PANK1: variants seen among roughly 807,000 people sequenced by gnomAD.
PANK1 encodes the protein pantothenic acid kinase 1.
Under a neutral mutation model 40.1 loss-of-function variants are expected in PANK1, and 18 were observed. The observed-to-expected ratio is 0.45, with a 90% CI of 0.31 to 0.67. The LOEUF is 0.67. Among genes scored for constraint, PANK1 ranks in the 30% least tolerant of loss-of-function variants. The pLI, the probability that PANK1 is intolerant of heterozygous loss-of-function variation, is 0.06. For synonymous variants in PANK1, 242 were observed against 237.7 expected (o/e 1.02, Z -0.17); for missense variants, 457 against 599.6 (o/e 0.76, Z 2.48).
intron 1 of PANK1, among the ~76,000 whole-genome samples, chr10:89,641,798 C>T (rs1223479940): frequency 6.7e-6 from 1 of 149,122 alleles, no homozygotes; most frequent in African/African-American, 2.5e-5. Context: ...CAGCACAAGG[C>T]AAAAAAGTCC....
Position 89,644,915 on chromosome 10 carries a change from G to T in PANK1, c.-24C>A, listed in dbSNP as rs766474519. The T allele has an allele frequency of 2.6e-6, 4 of 1,538,994 alleles. No individual in the cohort carries two copies. In the South Asian group the frequency reaches 3.6e-5, roughly 14 times the overall value. ...ATGCCGGGGGCTGGCGGGGCTGTGC[G>T]CGGGCCCCGGCTCAGGCGGCCTCGC... On this transcript the variant is annotated 5_prime_UTR_variant, in exon 1 of 7. Coordinates refer to ENST00000307534, the MANE Select transcript of PANK1 (RefSeq NM_148977.3).
intron 2 of PANK1, among the ~76,000 whole-genome samples, chr10:89,601,784 T>C (rs1475550011): frequency 2.0e-5 from 3 of 152,238 alleles, no homozygotes; most frequent in African/African-American, 7.2e-5. Flanking sequence ...ATGAGATGTA[T>C]GTAATTATAC....
At chr10:89,618,159 A>C (rs1845377618) in intron 1 of PANK1, among the ~76,000 whole-genome samples, 1 of 152,238 alleles carries the variant, frequency 6.6e-6, no homozygotes, top group Non-Finnish European at 1.5e-5. Context: ...TTCTCCACCT[A>C]CAAGGCAGGG....
intron 1 of PANK1, chr10:89,625,628 C>T (rs1166909118): frequency 6.6e-6 from 1 of 152,126 alleles, no homozygotes; most frequent in Non-Finnish European, 1.5e-5. Context: ...TGATTTGCAA[C>T]CCACGCGGCT....
chr10:89,584,214 C>A lies in PANK1; in HGVS notation c.*192G>T, dbSNP rs935854187. On this transcript the variant is annotated 3_prime_UTR_variant, in exon 7 of 7. Coordinates refer to ENST00000307534, the MANE Select transcript of PANK1 (RefSeq NM_148977.3). ...TACAGAAAAAAAACCTTTTATATTC[C>A]CCCGTTTTGAATCATTAGCTCAAAA... 4 of 519,668 alleles carry A rather than the reference C, an allele frequency of 7.7e-6. No individual in the cohort carries two copies. The highest frequency in any genetic ancestry group is 1.9e-5 in the African/African-American group (1 of 52,884). The allele number at this position is 519,668 out of a possible 1,614,324, so 32.2% of individuals were successfully genotyped here. A position where few individuals can be genotyped will look rare whatever the true frequency, so the allele number is the denominator to read the frequency against.
chr10:89,604,111 T>A (rs893585522), intron 2 of PANK1, among the ~76,000 whole-genome samples: 2 of 152,158 alleles, frequency 1.3e-5, no homozygotes, highest in East Asian at 3.9e-4. Context: ...AAAAAAGTGA[T>A]GAAAGCAATC....
At chr10:89,590,617 G>A (rs1039650608) in intron 5 of PANK1, among the ~76,000 whole-genome samples, 2 of 152,028 alleles carry the variant, frequency 1.3e-5, no homozygotes, top group African/African-American at 4.8e-5. Context: ...TGTGTATACC[G>A]TATACAAATA....
intron 6 of PANK1, among the ~76,000 whole-genome samples, chr10:89,587,794 A>T (rs941482111): frequency 2.6e-5 from 4 of 152,250 alleles, no homozygotes; most frequent in African/African-American, 7.2e-5. Flanking sequence ...AAAACTTTTT[A>T]AAAATGTTAT....
At chr10:89,613,839 C>CA (rs1281404608) in intron 1 of PANK1, 2 of 383,314 alleles carry the variant, frequency 5.2e-6, no homozygotes, top group Non-Finnish European at 1.0e-5. Context: ...GTAGGAGCAG[C>CA]ATGTTGTAAT....
In PANK1 at chr10:89,611,935, T is replaced by C; in HGVS notation, c.406A>G (p.Ile136Val). ...EQEEVENLKSIRKYLTSNTAY... is the reference protein window; with the variant it reads ...EQEEVENLKSVRKYLTSNTAY... ...GTATTAGAAGTCAAATACTTCCGGA[T>C]GCTCTTCAGGTTCTCCACTTCCTCT... Residue 136 changes from isoleucine to valine, a missense_variant, in exon 2 of 7, where the codon ATC becomes GTC. This residue lies in a region of PANK1 where 286 missense variants were observed against 415.8 expected (regional missense o/e 0.69). Transcript: ENST00000307534. The C allele has an allele frequency of 1.2e-6, 2 of 1,614,146 alleles. No homozygotes were observed. Among genetic ancestry groups the C allele is most frequent in the Non-Finnish European group, 1.7e-6 (2 of 1,179,988 alleles).
chr10:89,610,246 G>C (rs545125995), intron 2 of PANK1, among the ~76,000 whole-genome samples: 44 of 141,764 alleles, frequency 3.1e-4, no homozygotes, highest in African/African-American at 9.5e-4. Flanking sequence ...GTCTTGCCTA[G>C]TCACCCAGCT....
intron 1 of PANK1, among the ~76,000 whole-genome samples, chr10:89,636,265 G>A (rs978995309): frequency 1.4e-4 from 21 of 152,158 alleles, no homozygotes; most frequent in African/African-American, 4.8e-4. Context: ...GGGCCATCAG[G>A]CTGTCTATGA....
chr10:89,633,124 G>A (rs1249453633), intron 1 of PANK1, among the ~76,000 whole-genome samples: 1 of 148,678 alleles, frequency 6.7e-6, no homozygotes, highest in East Asian at 1.9e-4. Context: ...GTGTTTGCCA[G>A]TTTCCACGGT....
Position 89,621,867 on chromosome 10 carries a change from C to A in PANK1, c.293-9819G>T, listed in dbSNP as rs774875505. On this transcript the variant is annotated intron_variant, in intron 1 of 6. Transcript: ENST00000307534. ...TAGCTGGGATTACAGGGGTGTGTCA[C>A]CACGCCTTGCTAATTTTTGTAGTTT... 8.3e-4 allele frequency among the ~76,000 whole-genome samples: 127 copies of A among 152,322 alleles called. 1 individual carries two copies. The highest frequency in any genetic ancestry group is 2.8e-4 in the Non-Finnish European group (19 of 68,034).
intron 1 of PANK1, among the ~76,000 whole-genome samples, chr10:89,620,145 G>A (rs769556978): frequency 2.0e-5 from 3 of 152,112 alleles, no homozygotes; most frequent in Non-Finnish European, 4.4e-5. Flanking sequence ...TGTTGATTGC[G>A]TTAACTGCAC....
intron 6 of PANK1, among the ~76,000 whole-genome samples, chr10:89,585,522 A>G (rs1040835452): frequency 3.3e-5 from 5 of 152,166 alleles, no homozygotes; most frequent in African/African-American, 1.2e-4. Flanking sequence ...GTCTGCTTAC[A>G]TTTATTGAGG....
At chr10:89,642,371 C>T (rs997470985) in intron 1 of PANK1, among the ~76,000 whole-genome samples, 2 of 152,244 alleles carry the variant, frequency 1.3e-5, no homozygotes, top group Non-Finnish European at 2.9e-5. Context: ...TTAACACTGG[C>T]TATCTTAACA....
intron 1 of PANK1, among the ~76,000 whole-genome samples, chr10:89,616,082 T>A (rs1370362341): frequency 6.6e-6 from 1 of 152,224 alleles, no homozygotes; most frequent in Non-Finnish European, 1.5e-5. Context: ...CAGATGTCAT[T>A]TTAAAATATT....
chr10:89,601,335 A>G (rs1015733161), intron 2 of PANK1, among the ~76,000 whole-genome samples: 1 of 124,402 alleles, frequency 8.0e-6, no homozygotes, highest in Non-Finnish European at 1.7e-5. Context: ...AAAAAAAAAA[A>G]GCCTGGTGTG....
Sources: gnomAD v4.1 joint callset for allele counts (sites outside exome capture counted in the v4.1 genomes callset) on GRCh38, gnomAD v4.1.1 for gene constraint, gnomAD v4.1.1 regional missense constraint, MANE v1.5 for transcripts, NCBI Gene and HGNC (gene_info 2026-07-23, HGNC 2026-07-21) for gene names.